KATNIP: variants seen among roughly 807,000 people sequenced by gnomAD.
The protein encoded by KATNIP is katanin interacting protein, also known as katanin-interacting protein.
Under a neutral mutation model 174.0 loss-of-function variants are expected in KATNIP, and 126 were observed. The observed-to-expected ratio is 0.72, with a 90% CI of 0.63 to 0.84. KATNIP has a LOEUF of 0.84. Ranked by LOEUF, KATNIP falls within the 40% of genes least tolerant of loss-of-function variation. The pLI is 0.00. For missense variants in KATNIP, 1,958 were observed against 2,109.7 expected (o/e 0.93, Z 1.41); for synonymous variants, 810 against 835.7 (o/e 0.97, Z 0.53).
At position 27,750,010 on chromosome 16, in the gene KATNIP, A is replaced by G. The variant is rs548831644; in HGVS notation, c.3050A>G (p.Asp1017Gly). ...TCAAACATAAAAGCAGACCCTCCCG[A>G]TATCAATATTTTACCAGCCTATGGG... is the stretch of plus-strand genomic sequence containing the variant. ...QISNIKADPP[D>G]INILPAYGKD... The change falls in exon 16 of 28, where the codon GAT (aspartate) becomes GGT (glycine). Residue 1017 changes from aspartate (D) to glycine (G), a missense_variant. Physicochemically the swap from Asp to Gly is moderately conservative, Grantham distance 94 (BLOSUM62 -1). Coordinates refer to ENST00000261588, the MANE Select transcript of KATNIP (RefSeq NM_015202.5). The G allele has an allele frequency of 5.0e-6, 8 of 1,614,126 alleles. No individual in the cohort carries two copies. The highest frequency in any genetic ancestry group is 6.8e-6 in the Non-Finnish European group (8 of 1,180,016).
intron 5 of KATNIP, among the ~76,000 whole-genome samples, chr16:27,638,269 T>G (rs1329141819): frequency 1.3e-5 from 2 of 152,220 alleles, no homozygotes; most frequent in Non-Finnish European, 2.9e-5. Flanking sequence ...ATGAGTCCTA[T>G]AGCTTCTTGT....
At chr16:27,656,977 T>C (rs1045137536) in intron 6 of KATNIP, among the ~76,000 whole-genome samples, 43 of 151,840 alleles carry the variant, frequency 2.8e-4, no homozygotes, top group Middle Eastern at 3.4e-3. Context: ...AAAGGCAGTG[T>C]GATGAGATCC....
At chr16:27,712,120 C>T (rs2079600646) in intron 13 of KATNIP, among the ~76,000 whole-genome samples, 1 of 152,238 alleles carries the variant, frequency 6.6e-6, no homozygotes, top group East Asian at 1.9e-4. Flanking sequence ...TCCCTTTCTT[C>T]TGTTTAGCAG....
intron 19 of KATNIP, 106 bp downstream of exon 19, chr16:27,761,696 C>A: frequency 1.0e-6 from 1 of 998,300 alleles, no homozygotes; most frequent in Non-Finnish European, 1.5e-6. Context: ...GCATATGTCC[C>A]TCCCCTGGCC....
intron 16 of KATNIP, 86 bp downstream of exon 16, chr16:27,750,392 C>A: frequency 7.5e-7 from 1 of 1,327,238 alleles, no homozygotes; most frequent in Non-Finnish European, 1.0e-6. Context: ...AGCTGGCTAG[C>A]CAACAACAGA....
intron 6 of KATNIP, among the ~76,000 whole-genome samples, chr16:27,672,970 TC>T (rs1162352823): frequency 1.3e-5 from 2 of 152,170 alleles, no homozygotes; most frequent in East Asian, 3.9e-4. Context: ...AACTGAGATT[TC>T]CTGGACAGTG....
rs528717807 is a variant in KATNIP, at chr16:27,641,442, A to G, written c.409-7162A>G. Among the ~76,000 whole-genome samples the G allele has an allele frequency of 2.6e-5, 4 of 152,116 alleles. No individual in the cohort carries two copies. The South Asian group carries it at 6.2e-4, about 24-fold the overall frequency. ...CCAGTCACCCAATCACTGGGGGGAC[A>G]GGGGAATCGCATGCTCTGATTGGCT... On this transcript the variant is annotated intron_variant, in intron 5 of 27. Coordinates refer to ENST00000261588, the MANE Select transcript of KATNIP (RefSeq NM_015202.5).
chr16:27,560,894 C>T (rs773032231), intron 1 of KATNIP, among the ~76,000 whole-genome samples: 47 of 152,298 alleles, frequency 3.1e-4, no homozygotes, highest in Non-Finnish European at 5.3e-4. Context: ...AAGAGATTAA[C>T]GGATTTGTTC....
chr16:27,711,688 G>A (rs1471520721), intron 13 of KATNIP, among the ~76,000 whole-genome samples: 1 of 152,146 alleles, frequency 6.6e-6, no homozygotes, highest in Non-Finnish European at 1.5e-5. Flanking sequence ...GCTTAGAAAA[G>A]GTGTAATATA....
chr16:27,560,789 G>A (rs2141591769), intron 1 of KATNIP, among the ~76,000 whole-genome samples: 1 of 152,320 alleles, frequency 6.6e-6, no homozygotes, highest in African/African-American at 2.4e-5. Flanking sequence ...TGAGGGTAGA[G>A]ACTCACTTCT....
intron 2 of KATNIP, among the ~76,000 whole-genome samples, chr16:27,595,927 C>T (rs1055276552): frequency 5.3e-5 from 8 of 151,998 alleles, no homozygotes; most frequent in African/African-American, 1.2e-4. Flanking sequence ...GGCAAAATCG[C>T]GGGGACAGGG....
In KATNIP at chr16:27,721,656, G is replaced by T; in HGVS notation, c.1704G>T (p.Leu568=). ...CAAGACAGCTGGGGGACTTCCATCT[G>T]GCCAAGATCAAGGTTCGGAATTACT... ...RNTRQLGDFH[L]AKIKVRNYWT... is the part of the protein sequence containing the mutation. Residue 568 remains leucine, a synonymous_variant, in exon 14 of 28, where the codon CTG becomes CTT. Coordinates refer to ENST00000261588, the MANE Select transcript of KATNIP (RefSeq NM_015202.5). The T allele has an allele frequency of 6.2e-7, 1 of 1,614,140 alleles. No individual in the cohort carries two copies.
intron 7 of KATNIP, chr16:27,681,151 A>C (rs1167087597): frequency 2.4e-6 from 1 of 421,096 alleles, no homozygotes; most frequent in Non-Finnish European, 4.4e-6. Context: ...AAACATTAAA[A>C]TTTGAAAACC....
At chr16:27,609,670 G>A (rs1440439131) in intron 2 of KATNIP, among the ~76,000 whole-genome samples, 3 of 150,830 alleles carry the variant, frequency 2.0e-5, no homozygotes, top group Non-Finnish European at 4.4e-5. Context: ...GATTACAGGC[G>A]TGAGCCACCG....
chr16:27,774,246 T>C (rs1672077713), intron 23 of KATNIP, among the ~76,000 whole-genome samples: 1 of 152,194 alleles, frequency 6.6e-6, no homozygotes, highest in African/African-American at 2.4e-5. Context: ...TCAGCTGGGA[T>C]GAATGATTCT....
chr16:27,628,632 G>A lies in KATNIP; in HGVS notation c.141-29G>A. ...AGCAGCCCAGACTCTCAAATGATGA[G>A]GAGGAACAACCCACCGTTTCTCTTT... On this transcript the variant is annotated intron_variant, in intron 3 of 27. Transcript: ENST00000261588. 5 of 1,610,884 alleles carry A rather than the reference G, an allele frequency of 3.1e-6. No homozygotes were observed. In the Middle Eastern group the frequency reaches 5.0e-4, roughly 160 times the overall value.
intron 2 of KATNIP, 71 bp from the exon 3 acceptor site, chr16:27,618,354 T>G: frequency 8.3e-7 from 1 of 1,210,282 alleles, no homozygotes; most frequent in South Asian, 1.2e-5. Context: ...CGCCGGTGTG[T>G]GCTGCACCTG....
At chr16:27,747,662 G>A (rs2081342045) in intron 15 of KATNIP, among the ~76,000 whole-genome samples, 1 of 150,988 alleles carries the variant, frequency 6.6e-6, no homozygotes, top group African/African-American at 2.4e-5. Flanking sequence ...GTCCCCAAAG[G>A]ATCCCCCAAA....
chr16:27,581,737 C>T lies in KATNIP; in HGVS notation c.63+7781C>T, dbSNP rs62029089. The stretch of plus-strand genomic sequence containing the variant: ...TAATTTGTAGTCTTTTATCCCTCAC[C>T]CCCTTCCCACCCTTTCCCCCTGAGT... On this transcript the variant is annotated intron_variant, in intron 2 of 27. Coordinates refer to ENST00000261588, the MANE Select transcript of KATNIP (RefSeq NM_015202.5). 7.2e-3 allele frequency among the ~76,000 whole-genome samples: 1,094 copies of T among 152,172 alleles called. 18 individuals carry two copies. The highest frequency in any genetic ancestry group is 0.024 in the African/African-American group (999 of 41,494).
Sources: allele counts gnomAD v4.1 joint callset (sites outside exome capture counted in the v4.1 genomes callset), GRCh38; gene constraint gnomAD v4.1.1; transcripts MANE v1.5; gene names NCBI Gene and HGNC (gene_info 2026-07-23, HGNC 2026-07-21).